The following MED27 variants were observed in gnomAD, a reference collection of about 807,000 sequenced individuals.
MED27 encodes mediator of RNA polymerase II transcription subunit 27.
Under a neutral mutation model 38.2 loss-of-function variants are expected in MED27, and 30 were observed. The ratio of observed to expected loss-of-function variants is 0.79; its 90% CI spans 0.59 to 1.07. MED27 has a LOEUF of 1.07. Among genes scored for constraint, MED27 ranks in the 50% least tolerant of loss-of-function variants. The pLI, the probability that MED27 is intolerant of heterozygous loss-of-function variation, is 0.00. For synonymous variants in MED27, 122 were observed against 153.5 expected (o/e 0.79, Z 1.52); for missense variants, 289 against 397.5 (o/e 0.73, Z 2.32).
Position 132,077,451 on chromosome 9 carries a change from C to T in MED27, c.339G>A (p.Trp113Ter). Residue 113 changes from tryptophan to a stop codon, truncating the protein, a stop_gained, in exon 2 of 8, where the codon TGG (tryptophan) becomes TGA (stop). Transcript: ENST00000292035. LOFTEE classifies it high-confidence loss of function. Reference sequence around the variant, plus strand: ...ATTACATCTCCCTTACCTTGTTTGACCACTTATATGCTTGAAGGAGTTGAC... The same window carrying T: ...ATTACATCTCCCTTACCTTGTTTGATCACTTATATGCTTGAAGGAGTTGAC... The part of the protein sequence containing the change: ...LYSQLLQAYK[W>*]SNKLQYHAGL... 2.5e-6 allele frequency: 4 copies of T among 1,613,694 alleles called. No homozygotes were observed. Among genetic ancestry groups the T allele is most frequent in the Non-Finnish European group, 3.4e-6 (4 of 1,179,896 alleles).
At chr9:131,873,522 A>G (rs1838871860) in intron 6 of MED27, among the ~76,000 whole-genome samples, 3 of 152,206 alleles carry the variant, frequency 2.0e-5, no homozygotes, top group Admixed American at 2.0e-4. Context: ...CCACAGGTTC[A>G]GCGGGCCTAG....
chr9:131,939,485 A>C lies in MED27; in HGVS notation c.480-11T>G. 1 of 1,583,318 alleles carries C rather than the reference A, an allele frequency of 6.3e-7. No homozygotes were observed. The highest frequency in any genetic ancestry group is 8.6e-7 in the Non-Finnish European group (1 of 1,161,712). On this transcript the variant is annotated splice_polypyrimidine_tract_variant and intron_variant, in intron 3 of 7. Transcript: ENST00000292035. ...ACATCATCAACATATCTACATGGGA[A>C]AAAAATAAACATGTGTGAACTACAA...
intron 4 of MED27, among the ~76,000 whole-genome samples, chr9:131,902,530 A>G (rs1829970259): frequency 6.6e-6 from 1 of 152,218 alleles, no homozygotes; most frequent in East Asian, 1.9e-4. Context: ...TCATAAAAAG[A>G]AAACGGAGCG....
At chr9:131,979,713 T>A (rs1157178053) in intron 3 of MED27, among the ~76,000 whole-genome samples, 4 of 152,206 alleles carry the variant, frequency 2.6e-5, no homozygotes, top group African/African-American at 9.6e-5. Flanking sequence ...AAATGTGACA[T>A]CTCCATAAGG....
chr9:131,870,177 T>C (rs1343634671), intron 6 of MED27, among the ~76,000 whole-genome samples: 1 of 152,204 alleles, frequency 6.6e-6, no homozygotes, highest in African/African-American at 2.4e-5. Flanking sequence ...GTGGCACTGC[T>C]TGCAATAACA....
At chr9:131,941,235 A>G (rs1589224334) in intron 3 of MED27, among the ~76,000 whole-genome samples, 1 of 152,232 alleles carries the variant, frequency 6.6e-6, no homozygotes, top group East Asian at 1.9e-4. Flanking sequence ...TTTCATATCC[A>G]TTGGCTACGA....
chr9:131,891,227 GAA>G (rs1198009414), intron 5 of MED27, among the ~76,000 whole-genome samples: 2 of 148,876 alleles, frequency 1.3e-5, no homozygotes, highest in Non-Finnish European at 2.9e-5. Context: ...GCAAATACGT[GAA>G]AGAGTCTGGC....
chr9:131,991,984 G>C (rs1456300344), intron 3 of MED27, among the ~76,000 whole-genome samples: 1 of 152,138 alleles, frequency 6.6e-6, no homozygotes, highest in Non-Finnish European at 1.5e-5. Flanking sequence ...GCCTCCCAAA[G>C]TGCTGGGATT....
At chr9:131,992,724 T>A (rs941321574) in intron 3 of MED27, among the ~76,000 whole-genome samples, 1 of 152,160 alleles carries the variant, frequency 6.6e-6, no homozygotes, top group Non-Finnish European at 1.5e-5. Context: ...TAAAGAGGAA[T>A]GCACATATTC....
At chr9:131,875,780 A>C (rs1359261454) in intron 6 of MED27, among the ~76,000 whole-genome samples, 2 of 152,096 alleles carry the variant, frequency 1.3e-5, no homozygotes, top group Admixed American at 1.3e-4. Context: ...CACCCAGCTA[A>C]TTTTTATTTT....
intron 3 of MED27, among the ~76,000 whole-genome samples, chr9:131,987,388 C>G (rs189323368): frequency 3.2e-4 from 49 of 151,932 alleles, no homozygotes; most frequent in African/African-American, 9.2e-4. Context: ...GTGGTGTGTC[C>G]CTAAAGTAGC....
At chr9:131,878,702 GA>G (rs1488431355) in intron 6 of MED27, among the ~76,000 whole-genome samples, 1 of 152,174 alleles carries the variant, frequency 6.6e-6, no homozygotes, top group Non-Finnish European at 1.5e-5. Flanking sequence ...ACAGAGTTTT[GA>G]AATGAGGGGG....
At chr9:131,977,163 C>A (rs1831627091) in intron 3 of MED27, among the ~76,000 whole-genome samples, 1 of 152,192 alleles carries the variant, frequency 6.6e-6, no homozygotes. Context: ...GTTGCTTCTT[C>A]AGGAACTCCG....
At chr9:131,918,027 A>G (rs1830324496) in intron 4 of MED27, among the ~76,000 whole-genome samples, 1 of 152,254 alleles carries the variant, frequency 6.6e-6, no homozygotes, top group Non-Finnish European at 1.5e-5. Flanking sequence ...ATATTTTAAA[A>G]GTAAAATCCA....
chr9:131,998,252 T>TA (rs1180768153), intron 3 of MED27, among the ~76,000 whole-genome samples: 2,390 of 141,268 alleles, frequency 0.017, 54 homozygotes, highest in African/African-American at 0.051. Context: ...AGCATCATCT[T>TA]AAAAAAAAAA....
rs1297582048 is a variant in MED27 at position 132,051,029 on chromosome 9, T to C, written c.348+26413A>G. Among the ~76,000 whole-genome samples, 1 of 152,162 alleles carries C rather than the reference T, an allele frequency of 6.6e-6. No homozygotes were observed. The highest frequency in any genetic ancestry group is 1.5e-5 in the Non-Finnish European group (1 of 68,036). On this transcript the variant is annotated intron_variant, in intron 2 of 7. Transcript: ENST00000292035. This position sits in a 1 kb window ranked among gnomAD's most constrained non-coding sequence, Gnocchi z 4.2. ...GGAAACCCTAGGCTCAACACATGCA[T>C]CTATACAACTGCACATTCACCCACA...
chr9:131,903,918 A>C, intron 4 of MED27, among the ~76,000 whole-genome samples: 1 of 137,698 alleles, frequency 7.3e-6, no homozygotes, highest in Non-Finnish European at 1.5e-5. Flanking sequence ...CTTTTTTTTG[A>C]GATGGAGTCT....
At chr9:132,022,639 G>C (rs1053478411) in intron 2 of MED27, among the ~76,000 whole-genome samples, 1 of 152,174 alleles carries the variant, frequency 6.6e-6, no homozygotes, top group Non-Finnish European at 1.5e-5. Context: ...GTGAGGGGTT[G>C]GTGTATTAGT....
At chr9:132,057,553 G>A (rs1335707670) in intron 2 of MED27, among the ~76,000 whole-genome samples, 2 of 152,204 alleles carry the variant, frequency 1.3e-5, no homozygotes, top group Admixed American at 1.3e-4. Flanking sequence ...CTAGTTTCCA[G>A]CCTGAAATAA....
Sources: gnomAD v4.1 joint callset for allele counts (sites outside exome capture counted in the v4.1 genomes callset) on GRCh38, gnomAD v4.1.1 for gene constraint, Gnocchi (gnomAD v3.1) non-coding constraint, MANE v1.5 for transcripts, NCBI Gene and HGNC (gene_info 2026-07-23, HGNC 2026-07-21) for gene names.